The following SNX19 variants were observed in gnomAD, a reference collection of about 807,000 sequenced individuals.
The protein encoded by SNX19 is sorting nexin 19, also known as sorting nexin-19.
In SNX19, 60 loss-of-function variants were observed where a neutral mutation model predicts 85.2. The observed-to-expected ratio is 0.70, with a 90% CI of 0.57 to 0.87. The LOEUF (loss-of-function observed/expected upper bound fraction) is 0.87, where lower values mean the gene tolerates loss of function less well. Among genes scored for constraint, SNX19 ranks in the 40% least tolerant of loss-of-function variants. SNX19 has a pLI of 0.00. For synonymous variants in SNX19, 520 were observed against 470.0 expected, an observed-to-expected ratio of 1.11 and a Z score of -1.38; for missense variants, 1,201 against 1,217.8, an observed-to-expected ratio of 0.99 and a Z score of 0.21.
chr11:130,878,256 CCT>C lies in SNX19; in HGVS notation c.*164_*165del, dbSNP rs995296854. 27 of 673,158 alleles carry C rather than the reference CCT, an allele frequency of 4.0e-5. No homozygotes were observed. The highest frequency in any genetic ancestry group is 1.1e-4 in the African/African-American group (6 of 56,548). 41.7% of individuals were successfully genotyped at this position (673,158 alleles called of 1,614,324 possible). ...TGCATACAACTGGGACACACAGACC[CCT>C]GTCACCTGCTACAAATGGAGCAGAA... On this transcript the variant is annotated 3_prime_UTR_variant, in exon 11 of 11. Transcript: ENST00000265909.
At chr11:130,901,676 T>C (rs1228450733) in intron 8 of SNX19, 2 of 152,120 alleles carry the variant, frequency 1.3e-5, no homozygotes, top group Non-Finnish European at 2.9e-5. Flanking sequence ...TATAAAGAAA[T>C]AAATGCATAT....
intron 1 of SNX19, among the ~76,000 whole-genome samples, chr11:130,913,105 T>TA (rs1373487957): frequency 6.6e-6 from 1 of 152,134 alleles, no homozygotes; most frequent in African/African-American, 2.4e-5. Flanking sequence ...ACTGGGAACT[T>TA]AAACATTCTA....
At chr11:130,888,145 C>T (rs1354165469) in intron 8 of SNX19, among the ~76,000 whole-genome samples, 1 of 151,086 alleles carries the variant, frequency 6.6e-6, no homozygotes, top group Admixed American at 6.6e-5. Context: ...ATAGTCTTGC[C>T]CTTCTGTATT....
Position 130,870,939 on chromosome 11 carries a change from G to A in SNX19, c.*7483C>T, listed in dbSNP as rs775689408. Among the ~76,000 whole-genome samples, 41 of 152,204 alleles carry A rather than the reference G, an allele frequency of 2.7e-4. No individual in the cohort carries two copies. The highest frequency in any genetic ancestry group is 3.9e-4 in the East Asian group (2 of 5,162). ...TTCATATACATGCACATTGACTAGA[G>A]AGGCAGTGTAAATAACTGAAAAGAA... On this transcript the variant is annotated 3_prime_UTR_variant, in exon 11 of 11. Transcript: ENST00000265909.
chr11:130,899,028 C>T (rs1274231980), intron 8 of SNX19, among the ~76,000 whole-genome samples: 1 of 152,130 alleles, frequency 6.6e-6, no homozygotes, highest in East Asian at 1.9e-4. Context: ...ACTAGATAAC[C>T]CACATTCTTT....
Position 130,880,608 on chromosome 11 carries a change from A to G in SNX19, c.2758+14T>C. 6.4e-7 allele frequency: 1 copy of G among 1,570,488 alleles called. No homozygotes were observed. Among genetic ancestry groups the G allele is most frequent in the Non-Finnish European group, 8.7e-7 (1 of 1,147,996 alleles). The stretch of plus-strand genomic sequence containing the variant: ...AAATGTGATTGGTATAATTGATCTC[A>G]TTGGTCCAATTACCTGGGAGGACTC... On this transcript the variant is annotated intron_variant, in intron 9 of 10. Transcript: ENST00000265909.
At position 130,873,257 on chromosome 11, in the gene SNX19, TG is replaced by T. The variant is rs1486696546; in HGVS notation, c.*5164del. ...AGTTTTATTGGAACACAGCCACACTTGTTTATGAATTGTCTACAACTGTTTT... is the reference window on the plus strand; with the variant it reads ...AGTTTTATTGGAACACAGCCACACTTTTTATGAATTGTCTACAACTGTTTT... On this transcript the variant is annotated 3_prime_UTR_variant, in exon 11 of 11. Coordinates refer to ENST00000265909, the MANE Select transcript of SNX19 (RefSeq NM_014758.3). 1.3e-5 allele frequency among the ~76,000 whole-genome samples: 2 copies of T among 152,198 alleles called. No individual in the cohort carries two copies. Among genetic ancestry groups the T allele is most frequent in the African/African-American group, 4.8e-5 (2 of 41,452 alleles).
chr11:130,894,931 A>T, intron 8 of SNX19: 1 of 985,424 alleles, frequency 1.0e-6, no homozygotes, highest in Non-Finnish European at 1.2e-6. Flanking sequence ...CTAGGCTATG[A>T]TTTCTATTTC....
intron 10 of SNX19, among the ~76,000 whole-genome samples, chr11:130,879,223 T>C (rs976055914): frequency 2.6e-5 from 4 of 152,326 alleles, no homozygotes; most frequent in African/African-American, 9.6e-5. Context: ...CATCTTTACA[T>C]GGTCTGTGAT....
intron 8 of SNX19, chr11:130,893,869 C>A: frequency 1.4e-6 from 1 of 699,876 alleles, no homozygotes; most frequent in Non-Finnish European, 2.6e-6. Context: ...TATTTCCCAC[C>A]AATTTACCCA....
chr11:130,875,424 T>G lies in SNX19; in HGVS notation c.*2998A>C, dbSNP rs1282816624. On this transcript the variant is annotated 3_prime_UTR_variant, in exon 11 of 11. Coordinates refer to ENST00000265909, the MANE Select transcript of SNX19 (RefSeq NM_014758.3). Reference sequence around the variant, plus strand: ...GCAAGATGAAAAACTTGTAGCAGTCTGCTACAAAGCACTGTGCTGCTTCTA... The same window carrying G: ...GCAAGATGAAAAACTTGTAGCAGTCGGCTACAAAGCACTGTGCTGCTTCTA... 3 of 152,212 alleles carry G rather than the reference T, an allele frequency of 2.0e-5. No individual in the cohort carries two copies. The highest frequency in any genetic ancestry group is 4.4e-5 in the Non-Finnish European group (3 of 68,062). The allele number at this position is 152,212 out of a possible 1,614,324, so 9.4% of individuals were successfully genotyped here. A position where few individuals can be genotyped will look rare whatever the true frequency, so the allele number is the denominator to read the frequency against.
intron 8 of SNX19, chr11:130,881,132 T>C (rs1383008784): frequency 1.4e-5 from 3 of 209,034 alleles, no homozygotes; most frequent in African/African-American, 6.9e-5. Context: ...TCCCGGCCTT[T>C]AGAAACTGTG....
intron 8 of SNX19, chr11:130,894,597 C>T (rs1229947328): frequency 1.0e-5 from 10 of 977,790 alleles, no homozygotes; most frequent in African/African-American, 1.8e-5. Context: ...TAACCTGCAG[C>T]GCCACCTGGT....
chr11:130,908,170 CAACAG>C (rs1410165919), intron 4 of SNX19, 87 bp from the exon 5 acceptor site: 19 of 1,496,930 alleles, frequency 1.3e-5, no homozygotes, highest in Non-Finnish European at 1.7e-5. Context: ...GCACTTTATG[CAACAG>C]GACAAGGAGA....
At chr11:130,900,738 G>A (rs1162751208) in intron 8 of SNX19, among the ~76,000 whole-genome samples, 1 of 151,980 alleles carries the variant, frequency 6.6e-6, no homozygotes, top group African/African-American at 2.4e-5. Context: ...AGGAGAAGGG[G>A]TCATATTAGA....
In SNX19 at chr11:130,903,346, G is replaced by A; in HGVS notation, c.2482C>T (p.Leu828Phe). 9.9e-6 allele frequency: 16 copies of A among 1,613,248 alleles called. No individual in the cohort carries two copies. The highest frequency in any genetic ancestry group is 1.4e-5 in the Non-Finnish European group (16 of 1,179,900). ...TELADTALDL[L>F]LLLLTEQWKW... is the part of the protein sequence containing the mutation. ...CACTGTTCTGTTAGTAGCAAGAGGA[G>A]CAGATCCAGGGCTGTGTCAGCTAAC... is the stretch of plus-strand genomic sequence containing the variant. The change falls in exon 8 of 11, where the codon CTC becomes TTC. Residue 828 changes from leucine (L) to phenylalanine (F), a missense_variant. By Grantham distance (22) the Leu-to-Phe change is conservative. Transcript: ENST00000265909.
At chr11:130,907,619 T>C (rs1212152079) in intron 5 of SNX19, among the ~76,000 whole-genome samples, 1 of 152,230 alleles carries the variant, frequency 6.6e-6, no homozygotes, top group Non-Finnish European at 1.5e-5. Context: ...TAAGCCTTAA[T>C]TCTTAGTAGG....
chr11:130,915,211 T>A lies in SNX19; in HGVS notation c.729A>T (p.Thr243=). The change falls in exon 1 of 11, where the codon ACA becomes ACT. Residue 243 remains threonine (T), a synonymous_variant. Coordinates refer to ENST00000265909, the MANE Select transcript of SNX19 (RefSeq NM_014758.3). The part of the protein sequence containing the change: ...TGRHVVVELI[T]CNVILPLISR... ...TGATCAGTGGTAAGATTACATTGCA[T>A]GTGATGAGTTCGACCACTACATGGC... is the stretch of plus-strand genomic sequence containing the variant. 6.2e-7 allele frequency: 1 copy of A among 1,614,242 alleles called. No individual in the cohort carries two copies. Among genetic ancestry groups the A allele is most frequent in the Non-Finnish European group, 8.5e-7 (1 of 1,180,042 alleles).
chr11:130,869,283 G>A lies in SNX19; in HGVS notation c.*9139C>T, dbSNP rs1346902403. The A allele has an allele frequency of 3.9e-5, 6 of 152,182 alleles. No homozygotes were observed. The highest frequency in any genetic ancestry group is 7.3e-5 in the Non-Finnish European group (5 of 68,036). 9.4% of individuals were successfully genotyped at this position (152,182 alleles called of 1,614,324 possible). ...TAAACTCTGTTTAATTACATTTTAC[G>A]TTTTAAAAGGAAACTTCTTCATTAC... On this transcript the variant is annotated 3_prime_UTR_variant, in exon 11 of 11. Transcript: ENST00000265909.
Sources: allele counts gnomAD v4.1 joint callset (sites outside exome capture counted in the v4.1 genomes callset), GRCh38; gene constraint gnomAD v4.1.1; transcripts MANE v1.5; gene names NCBI Gene and HGNC (gene_info 2026-07-23, HGNC 2026-07-21).